Variants in DSG1 observed in about 807,000 individuals in gnomAD.
DSG1 encodes desmoglein-1.
Under a neutral mutation model 97.5 loss-of-function variants are expected in DSG1, and 39 were observed. That is an observed-to-expected ratio of 0.40 (90% CI 0.31 to 0.52). DSG1 has a LOEUF of 0.52. Ranked by LOEUF, DSG1 falls within the 20% of genes least tolerant of loss-of-function variation. The pLI, the probability that DSG1 is intolerant of heterozygous loss-of-function variation, is 0.53. For missense variants in DSG1, 1,311 were observed against 1,295.4 expected (o/e 1.01, Z -0.18); for synonymous variants, 475 against 443.4 (o/e 1.07, Z -0.90).
At chr18:31,338,193 T>C (rs1442170567) in intron 9 of DSG1, 122 bp from the exon 10 acceptor site, 2 of 1,033,310 alleles carry the variant, frequency 1.9e-6, no homozygotes, top group African/African-American at 1.6e-5. Flanking sequence ...ATAAAGTCTC[T>C]AGTAATTGAA....
chr18:31,332,135 C>T (rs1244967653), intron 6 of DSG1, among the ~76,000 whole-genome samples: 1 of 151,752 alleles, frequency 6.6e-6, no homozygotes, highest in Admixed American at 6.6e-5. Flanking sequence ...TGAAAATATG[C>T]CTAAGGTAGA....
At chr18:31,353,433 G>A (rs2071919438) in intron 14 of DSG1, among the ~76,000 whole-genome samples, 1 of 151,388 alleles carries the variant, frequency 6.6e-6, no homozygotes, top group Non-Finnish European at 1.5e-5. Context: ...GTTTGTCTGT[G>A]CCCTGCCCCC....
chr18:31,336,454 C>T lies in DSG1; in HGVS notation c.1106C>T (p.Ala369Val), dbSNP rs1261421009. 1 of 1,613,944 alleles carries T rather than the reference C, an allele frequency of 6.2e-7. No homozygotes were observed. Among genetic ancestry groups the T allele is most frequent in the Non-Finnish European group, 8.5e-7 (1 of 1,179,902 alleles). Residue 369 changes from alanine (A) to valine (V), a missense_variant, in exon 9 of 15, where the codon GCA becomes GTA. Physicochemically the swap from Ala to Val is moderately conservative, Grantham distance 64 (BLOSUM62 0). Around this residue, in one of 3 missense-constraint regions of DSG1, gnomAD observed 1,038 missense variants for 964.6 expected, o/e 1.08. Transcript: ENST00000257192. ...HSIMSQYKLKASAISVTVLNV... is the reference protein window; with the variant it reads ...HSIMSQYKLKVSAISVTVLNV... ...ATTATGTCTCAATATAAACTGAAAGCATCTGCAATTTCTGTGACTGTGTTA... is the reference window on the plus strand; with the variant it reads ...ATTATGTCTCAATATAAACTGAAAGTATCTGCAATTTCTGTGACTGTGTTA...
chr18:31,328,830 AT>A (rs2071703096), intron 4 of DSG1, among the ~76,000 whole-genome samples: 1 of 152,136 alleles, frequency 6.6e-6, no homozygotes, highest in Non-Finnish European at 1.5e-5. Context: ...ATACTTTACT[AT>A]AAATTCATAT....
chr18:31,331,256 A>C (rs2071719202), intron 5 of DSG1, among the ~76,000 whole-genome samples: 1 of 152,118 alleles, frequency 6.6e-6, no homozygotes, highest in East Asian at 1.9e-4. Flanking sequence ...TTAATGATTT[A>C]ATTCTCACAT....
At chr18:31,351,766 G>A (rs1353523747) in intron 14 of DSG1, among the ~76,000 whole-genome samples, 18 of 148,908 alleles carry the variant, frequency 1.2e-4, no homozygotes, top group African/African-American at 4.5e-4. Flanking sequence ...TTTAAAGTCT[G>A]TTTTATCAGA....
rs2071960424 is a variant in DSG1 at position 31,356,529 on chromosome 18, AT to A, written c.*1185del. On this transcript the variant is annotated 3_prime_UTR_variant, in exon 15 of 15. Transcript: ENST00000257192. ...TCTGTAAAGTAATACCATGCTAATT[AT>A]TCGCTTTTAGTAAGTAAAGTAGTGG... The A allele has an allele frequency of 6.6e-6, 1 of 152,190 alleles. No homozygotes were observed. Among genetic ancestry groups the A allele is most frequent in the Non-Finnish European group, 1.5e-5 (1 of 68,034 alleles). 9.4% of individuals were successfully genotyped at this position (152,190 alleles called of 1,614,324 possible).
chr18:31,327,931 T>C (rs1021312898), intron 3 of DSG1, among the ~76,000 whole-genome samples: 4 of 152,150 alleles, frequency 2.6e-5, no homozygotes, highest in Non-Finnish European at 4.4e-5. Flanking sequence ...TGCATAGACT[T>C]AGATATAGTA....
At position 31,354,919 on chromosome 18, in the gene DSG1, C is replaced by G. The variant is rs992648350; in HGVS notation, c.2723C>G (p.Ser908Cys). ...VIAPSSSLPT[S>C]LTIHHPRESS... ...GCACCAAGCTCTAGTCTACCCACCT[C>G]TCTGACTATCCATCATCCTAGAGAG... is the stretch of plus-strand genomic sequence containing the variant. The change falls in exon 15 of 15, where the codon TCT becomes TGT. Residue 908 changes from serine (S) to cysteine (C), a missense_variant. Around this residue, in one of 3 missense-constraint regions of DSG1, gnomAD observed 1,038 missense variants for 964.6 expected, o/e 1.08. Coordinates refer to ENST00000257192, the MANE Select transcript of DSG1 (RefSeq NM_001942.4). The G allele has an allele frequency of 1.2e-6, 2 of 1,614,238 alleles. No individual in the cohort carries two copies. Among genetic ancestry groups the G allele is most frequent in the Non-Finnish European group, 1.7e-6 (2 of 1,180,048 alleles).
chr18:31,348,538 T>C lies in DSG1; in HGVS notation c.2100+2340T>C, dbSNP rs970274097. On this transcript the variant is annotated intron_variant, in intron 14 of 14. Coordinates refer to ENST00000257192, the MANE Select transcript of DSG1 (RefSeq NM_001942.4). Reference sequence around the variant, plus strand: ...TTCTAGTTCTAGATCCCTGAGGAATTGCCACACTGACTTCCACCATGGTTG... The same window carrying C: ...TTCTAGTTCTAGATCCCTGAGGAATCGCCACACTGACTTCCACCATGGTTG... Among the ~76,000 whole-genome samples the C allele has an allele frequency of 2.9e-3, 438 of 150,622 alleles. 2 individuals are homozygous for C. Among genetic ancestry groups the C allele is most frequent in the African/African-American group, 6.8e-3 (275 of 40,276 alleles).
chr18:31,338,109 A>T (rs1220855162), intron 9 of DSG1, among the ~76,000 whole-genome samples: 1 of 151,662 alleles, frequency 6.6e-6, no homozygotes, highest in Admixed American at 6.6e-5. Flanking sequence ...GTGCTCAGTA[A>T]TTTTTTTTTC....
intron 8 of DSG1, among the ~76,000 whole-genome samples, chr18:31,335,825 A>G (rs887305989): frequency 6.6e-5 from 10 of 150,530 alleles, no homozygotes; most frequent in African/African-American, 2.4e-4. Context: ...AACATGTTGA[A>G]GAAAATAGAT....
chr18:31,329,971 A>G lies in DSG1; in HGVS notation c.452A>G (p.Asn151Ser). The G allele has an allele frequency of 6.2e-7, 1 of 1,613,364 alleles. No homozygotes were observed. Among genetic ancestry groups the G allele is most frequent in the Non-Finnish European group, 8.5e-7 (1 of 1,179,420 alleles). The change falls in exon 5 of 15, where the codon AAT becomes AGT. Residue 151 changes from asparagine to serine, a missense_variant. By Grantham distance (46) the Asn-to-Ser change is conservative (BLOSUM62 1). Around this residue, in one of 3 missense-constraint regions of DSG1, gnomAD observed 259 missense variants for 304.1 expected, o/e 0.85. Coordinates refer to ENST00000257192, the MANE Select transcript of DSG1 (RefSeq NM_001942.4). ...LELRVRVLDINDNPPVFSMAT... is the reference protein window; with the variant it reads ...LELRVRVLDISDNPPVFSMAT... ...CTCAGAGTCAGGGTTTTGGATATAA[A>G]TGACAACCCTCCAGTGTTTTCAATG... is the stretch of plus-strand genomic sequence containing the variant.
At position 31,331,755 on chromosome 18, in the gene DSG1, A is replaced by G; in HGVS notation, c.572A>G (p.Asn191Ser). ...ATDADEPNNL[N>S]SKIAFKIIRQ... is the part of the protein sequence containing the mutation. ...GACGCAGATGAACCGAACAATTTGAACTCAAAAATAGCCTTCAAGATTATA... is the reference window on the plus strand; with the variant it reads ...GACGCAGATGAACCGAACAATTTGAGCTCAAAAATAGCCTTCAAGATTATA... The change falls in exon 6 of 15, where the codon AAC becomes AGC. Residue 191 changes from asparagine (N) to serine (S), a missense_variant. This residue lies in a region of DSG1 where 259 missense variants were observed against 304.1 expected (regional missense o/e 0.85). Coordinates refer to ENST00000257192, the MANE Select transcript of DSG1 (RefSeq NM_001942.4). 6.2e-7 allele frequency: 1 copy of G among 1,612,900 alleles called. No homozygotes were observed. The highest frequency in any genetic ancestry group is 8.5e-7 in the Non-Finnish European group (1 of 1,179,206).
rs973510675 is a variant in DSG1 at position 31,358,058 on chromosome 18, T to G, written c.*2712T>G. ...AGACCAAGAAGAGATATGGAAATTA[T>G]TTTATAAGTGAATACTATAATTAGG... On this transcript the variant is annotated 3_prime_UTR_variant, in exon 15 of 15. Coordinates refer to ENST00000257192, the MANE Select transcript of DSG1 (RefSeq NM_001942.4). Among the ~76,000 whole-genome samples, 3 of 152,036 alleles carry G rather than the reference T, an allele frequency of 2.0e-5. No individual in the cohort carries two copies. Among genetic ancestry groups the G allele is most frequent in the Non-Finnish European group, 4.4e-5 (3 of 67,900 alleles).
At chr18:31,324,513 T>C (rs2071674167) in intron 1 of DSG1, among the ~76,000 whole-genome samples, 1 of 152,218 alleles carries the variant, frequency 6.6e-6, no homozygotes, top group Non-Finnish European at 1.5e-5. Context: ...TTCCAATTGC[T>C]GATCATCTTC....
At chr18:31,335,675 T>C (rs1048664804) in intron 8 of DSG1, among the ~76,000 whole-genome samples, 1 of 151,766 alleles carries the variant, frequency 6.6e-6, no homozygotes, top group African/African-American at 2.4e-5. Context: ...ATTACTCTTG[T>C]GAAATTTTAG....
rs1407873143 is a variant in DSG1 at position 31,331,723 on chromosome 18, T to C, written c.540T>C (p.Asn180=). The change falls in exon 6 of 15, where the codon AAT becomes AAC. Residue 180 remains asparagine, a synonymous_variant. Transcript: ENST00000257192. ...SNANTLVMIL[N]ATDADEPNNL... is the part of the protein sequence containing the mutation. ...TAGATACACTGGTGATGATACTCAATGCTACTGACGCAGATGAACCGAACA... is the reference window on the plus strand; with the variant it reads ...TAGATACACTGGTGATGATACTCAACGCTACTGACGCAGATGAACCGAACA... 2 of 1,612,556 alleles carry C rather than the reference T, an allele frequency of 1.2e-6. No homozygotes were observed. The highest frequency in any genetic ancestry group is 1.7e-6 in the Non-Finnish European group (2 of 1,179,068).
Position 31,354,521 on chromosome 18 carries a change from G to T in DSG1, c.2325G>T (p.Trp775Cys). ...CATATCCAGACCTTGATCCTTCTTG[G>T]CCACCACAAAGCACTGAACCAGTTT... Reference protein sequence around the residue: ...KESYPDLDPSWPPQSTEPVCL... With the variant: ...KESYPDLDPSCPPQSTEPVCL... The change falls in exon 15 of 15, where the codon TGG becomes TGT. Residue 775 changes from tryptophan (W) to cysteine (C), a missense_variant. Physicochemically the swap from Trp to Cys is radical, Grantham distance 215 (BLOSUM62 -2). Transcript: ENST00000257192. 1 of 1,614,118 alleles carries T rather than the reference G, an allele frequency of 6.2e-7. No homozygotes were observed. The highest frequency in any genetic ancestry group is 8.5e-7 in the Non-Finnish European group (1 of 1,180,020).
Sources: allele counts gnomAD v4.1 joint callset (sites outside exome capture counted in the v4.1 genomes callset), GRCh38; gene constraint gnomAD v4.1.1; regional missense constraint gnomAD v4.1.1; transcripts MANE v1.5; gene names NCBI Gene and HGNC (gene_info 2026-07-23, HGNC 2026-07-21).